The following MALT1 variants were observed in gnomAD, a reference collection of about 807,000 sequenced individuals.
MALT1 encodes the protein mucosa-associated lymphoid tissue lymphoma translocation protein 1.
MALT1 carries 36 observed loss-of-function variants against 85.5 expected under a neutral mutation model. The ratio of observed to expected loss-of-function variants is 0.42; its 90% CI spans 0.32 to 0.56. The LOEUF (loss-of-function observed/expected upper bound fraction) is 0.56, where lower values mean the gene tolerates loss of function less well. Ranked by LOEUF, MALT1 falls within the 20% of genes least tolerant of loss-of-function variation. MALT1 has a pLI of 0.10. For synonymous variants in MALT1, 359 were observed against 361.3 expected (o/e 0.99, Z 0.07); for missense variants, 716 against 981.6 (o/e 0.73, Z 3.62).
intron 3 of MALT1, among the ~76,000 whole-genome samples, chr18:58,697,835 C>T (rs564600775): frequency 1.3e-5 from 2 of 152,032 alleles, no homozygotes; most frequent in African/African-American, 2.4e-5. Flanking sequence ...TGTTTTGTGC[C>T]GGGCCATGTT....
chr18:58,738,263 C>G (rs1012025360), intron 13 of MALT1, among the ~76,000 whole-genome samples: 6 of 152,052 alleles, frequency 3.9e-5, no homozygotes, highest in African/African-American at 1.4e-4. Flanking sequence ...TCTTTTGGGA[C>G]TAGATTTTTT....
intron 1 of MALT1, among the ~76,000 whole-genome samples, chr18:58,676,061 A>G (rs2054235400): frequency 6.6e-6 from 1 of 152,142 alleles, no homozygotes; most frequent in South Asian, 2.1e-4. Context: ...GTAGAATCCA[A>G]TGTCCACTGC....
At chr18:58,676,465 C>T (rs988956574) in intron 1 of MALT1, among the ~76,000 whole-genome samples, 1 of 152,176 alleles carries the variant, frequency 6.6e-6, no homozygotes, top group Non-Finnish European at 1.5e-5. Flanking sequence ...CTCCATCCCT[C>T]TCTACTCTGG....
intron 4 of MALT1, among the ~76,000 whole-genome samples, chr18:58,702,492 C>T (rs2144367009): frequency 6.6e-6 from 1 of 152,240 alleles, no homozygotes; most frequent in Admixed American, 6.5e-5. Context: ...AAAAGTAGAT[C>T]AGTAGATAAG....
intron 4 of MALT1, 24 bp from the exon 5 acceptor site, chr18:58,709,354 T>C: frequency 6.7e-7 from 1 of 1,492,560 alleles, no homozygotes; most frequent in Non-Finnish European, 9.0e-7. Context: ...AACCTAGAGA[T>C]TTTATTTTTT....
Position 58,750,507 on chromosome 18 carries a change from AT to A in MALT1, c.*2666del, listed in dbSNP as rs1215738709. On this transcript the variant is annotated 3_prime_UTR_variant, in exon 17 of 17. Transcript: ENST00000649217. The stretch of plus-strand genomic sequence containing the variant: ...TTTCAAAAAGTGCTACCAAGCTACA[AT>A]AAGACAGTGTAGGCATATGGATAGA... 1 of 152,280 alleles carries A rather than the reference AT, an allele frequency of 6.6e-6. No individual in the cohort carries two copies. Among genetic ancestry groups the A allele is most frequent in the East Asian group, 1.9e-4 (1 of 5,206 alleles). 9.4% of individuals were successfully genotyped at this position (152,280 alleles called of 1,614,324 possible). A position where few individuals can be genotyped will look rare whatever the true frequency, so the allele number is the denominator to read the frequency against.
chr18:58,734,264 C>T (rs2055194332), intron 11 of MALT1, 43 bp from the exon 12 acceptor site: 2 of 1,380,422 alleles, frequency 1.4e-6, no homozygotes, highest in East Asian at 2.3e-5. Context: ...TGCTCTTTAA[C>T]TTTTCATATT....
At position 58,733,661 on chromosome 18, in the gene MALT1, A is replaced by G. The variant is rs1001256440; in HGVS notation, c.1400+87A>G. On this transcript the variant is annotated intron_variant, in intron 11 of 16. Transcript: ENST00000649217. ...AGAAACCTGTGAAATGCTAAAAGCC[A>G]TTTGCGTTTGTGAATTTTAGTTTAT... 1.2e-5 allele frequency: 13 copies of G among 1,096,984 alleles called. No homozygotes were observed. The East Asian group carries it at 1.7e-4, about 14-fold the overall frequency. The allele number at this position is 1,096,984 out of a possible 1,614,324, so 68.0% of individuals were successfully genotyped here. A position where few individuals can be genotyped will look rare whatever the true frequency, so the allele number is the denominator to read the frequency against.
At chr18:58,692,227 C>T (rs1161254725) in intron 2 of MALT1, 2 of 152,276 alleles carry the variant, frequency 1.3e-5, no homozygotes, top group African/African-American at 4.8e-5. Flanking sequence ...CTGGGGTCCC[C>T]CTGGAGCCTC....
chr18:58,744,634 C>T (rs924380293), intron 15 of MALT1, 139 bp downstream of exon 15: 6 of 330,036 alleles, frequency 1.8e-5, no homozygotes, highest in African/African-American at 1.3e-4. Context: ...AGTTTAGTAA[C>T]ACTGATCATA....
intron 2 of MALT1, among the ~76,000 whole-genome samples, chr18:58,690,137 A>G (rs1240676026): frequency 6.6e-6 from 1 of 152,200 alleles, no homozygotes; most frequent in Admixed American, 6.5e-5. Context: ...CATTTTTCCA[A>G]TAGCATGTGC....
chr18:58,742,083 A>G, intron 14 of MALT1, 69 bp downstream of exon 14: 1 of 1,270,002 alleles, frequency 7.9e-7, no homozygotes, highest in Admixed American at 2.7e-5. Flanking sequence ...TTTCTTCTGA[A>G]TAAATAACTT....
At chr18:58,721,895 G>T (rs2054988412) in intron 9 of MALT1, among the ~76,000 whole-genome samples, 1 of 152,186 alleles carries the variant, frequency 6.6e-6, no homozygotes, top group South Asian at 2.1e-4. Context: ...CTGCGTCAGA[G>T]GGGGTGGCCT....
rs376839969 is a variant in MALT1, at chr18:58,714,602, G to A, written c.985+493G>A. On this transcript the variant is annotated intron_variant, in intron 8 of 16. Transcript: ENST00000649217. ...GGGGATCATTGGCATCGTACAGGTC[G>A]GTTGGTCAGTGACCATTTCTTAATG... is the stretch of plus-strand genomic sequence containing the variant. Among the ~76,000 whole-genome samples the A allele has an allele frequency of 8.5e-5, 13 of 152,202 alleles. No individual in the cohort carries two copies. The South Asian group carries it at 2.7e-3, about 32-fold the overall frequency.
intron 10 of MALT1, among the ~76,000 whole-genome samples, chr18:58,726,524 G>C (rs774158756): frequency 6.6e-6 from 1 of 152,068 alleles, no homozygotes; most frequent in Non-Finnish European, 1.5e-5. Context: ...AGAGGAACTC[G>C]AGTTCATGCC....
intron 7 of MALT1, among the ~76,000 whole-genome samples, chr18:58,713,087 G>T (rs2054853038): frequency 6.6e-6 from 1 of 151,836 alleles, no homozygotes; most frequent in Non-Finnish European, 1.5e-5. Context: ...AATGAGTTGA[G>T]CCTAATACTG....
At chr18:58,673,009 C>T (rs1297738523) in intron 1 of MALT1, 1 of 152,216 alleles carries the variant, frequency 6.6e-6, no homozygotes, top group Non-Finnish European at 1.5e-5. Flanking sequence ...ATTGTTGTAA[C>T]TTTGGCCTGC....
intron 16 of MALT1, among the ~76,000 whole-genome samples, chr18:58,747,057 C>T (rs1347981600): frequency 1.3e-5 from 2 of 152,104 alleles, no homozygotes; most frequent in South Asian, 2.1e-4. Context: ...AAGTTAATAC[C>T]CCATCTCTAA....
intron 4 of MALT1, among the ~76,000 whole-genome samples, chr18:58,705,475 T>A (rs12967050): frequency 1.3e-5 from 1 of 77,292 alleles, no homozygotes; most frequent in East Asian, 4.5e-4. Context: ...CCCTCCCCCC[T>A]CCCCCCACCC....
Sources: gnomAD v4.1 joint callset for allele counts (sites outside exome capture counted in the v4.1 genomes callset) on GRCh38, gnomAD v4.1.1 for gene constraint, MANE v1.5 for transcripts, NCBI Gene and HGNC (gene_info 2026-07-23, HGNC 2026-07-21) for gene names.